The following RAB28 variants were observed in gnomAD, a reference collection of about 807,000 sequenced individuals.
RAB28 encodes RAB28, member RAS oncogene family.
In RAB28, 24 loss-of-function variants were observed where a neutral mutation model predicts 31.7. The ratio of observed to expected loss-of-function variants is 0.76; its 90% confidence interval spans 0.55 to 1.06. The LOEUF is 1.06. Among genes scored for constraint, RAB28 ranks in the 50% least tolerant of loss-of-function variants. The pLI, the probability that RAB28 is intolerant of heterozygous loss-of-function variation, is 0.00. For synonymous variants in RAB28, 100 were observed against 90.4 expected, an observed-to-expected ratio of 1.11 and a Z score of -0.60; for missense variants, 254 against 258.5, an observed-to-expected ratio of 0.98 and a Z score of 0.12.
chr4:13,378,026 G>T (rs1017441875), intron 5 of RAB28, among the ~76,000 whole-genome samples: 1 of 152,180 alleles, frequency 6.6e-6, no homozygotes. Flanking sequence ...CAGCCTATTA[G>T]ACATCTAAGA....
chr4:13,473,053 G>A (rs140890304), intron 3 of RAB28, among the ~76,000 whole-genome samples: 1 of 151,798 alleles, frequency 6.6e-6, no homozygotes, highest in Non-Finnish European at 1.5e-5. Context: ...CAAAACTCTG[G>A]GGCCTTTATA....
At chr4:13,483,892 C>T (rs1228843449) in intron 1 of RAB28, among the ~76,000 whole-genome samples, 184 bp downstream of exon 1, 1 of 152,224 alleles carries the variant, frequency 6.6e-6, no homozygotes, top group Non-Finnish European at 1.5e-5. Context: ...GGGAGCTGGA[C>T]AGCTCTCGTC....
At chr4:13,428,028 A>C (rs1430042364) in intron 4 of RAB28, among the ~76,000 whole-genome samples, 1 of 152,182 alleles carries the variant, frequency 6.6e-6, no homozygotes, top group East Asian at 1.9e-4. Flanking sequence ...TGGATTGAGC[A>C]AGCAGGGGGT....
chr4:13,376,882 C>G (rs1728944502), intron 5 of RAB28, among the ~76,000 whole-genome samples: 2 of 152,082 alleles, frequency 1.3e-5, no homozygotes, highest in Non-Finnish European at 2.9e-5. Context: ...AAAGATTTAA[C>G]ATGATGATTA....
chr4:13,460,013 G>GC (rs1715509469), intron 4 of RAB28: 1 of 704,492 alleles, frequency 1.4e-6, no homozygotes, highest in Admixed American at 2.5e-5. Context: ...AATAGACCAC[G>GC]CATCAAAACA....
chr4:13,428,372 A>C (rs1427769542), intron 4 of RAB28, among the ~76,000 whole-genome samples: 2 of 152,230 alleles, frequency 1.3e-5, no homozygotes, highest in Non-Finnish European at 2.9e-5. Context: ...AAAAGAAGAA[A>C]ATCCAGTCCT....
intron 4 of RAB28, among the ~76,000 whole-genome samples, chr4:13,382,736 T>TG (rs1729187760): frequency 7.1e-6 from 1 of 141,682 alleles, no homozygotes; most frequent in Non-Finnish European, 1.5e-5. Flanking sequence ...TCTTGCACTG[T>TG]CACCCGGGCT....
chr4:13,449,624 C>G (rs1714861940), intron 4 of RAB28, among the ~76,000 whole-genome samples: 1 of 151,940 alleles, frequency 6.6e-6, no homozygotes, highest in African/African-American at 2.4e-5. Context: ...ACTCAACATT[C>G]TTAATTAGTG....
Position 13,368,516 on chromosome 4 carries a change from G to A in RAB28, c.*42C>T. On this transcript the variant is annotated 3_prime_UTR_variant, in exon 7 of 7. Coordinates refer to ENST00000330852, the MANE Select transcript of RAB28 (RefSeq NM_001017979.3). ...TAGAAGTCCTCGGGCCCACCCAGAG[G>A]TGAAGGGCAGCCAGAACTATCAACA... is the stretch of plus-strand genomic sequence containing the variant. 6.3e-7 allele frequency: 1 copy of A among 1,583,964 alleles called. No individual in the cohort carries two copies. The highest frequency in any genetic ancestry group is 8.6e-7 in the Non-Finnish European group (1 of 1,167,350).
intron 3 of RAB28, among the ~76,000 whole-genome samples, chr4:13,472,990 A>T (rs905808021): frequency 6.6e-6 from 1 of 152,016 alleles, no homozygotes; most frequent in Non-Finnish European, 1.5e-5. Context: ...AGAACAATGT[A>T]TAAAAGATAA....
intron 4 of RAB28, among the ~76,000 whole-genome samples, chr4:13,438,184 C>T (rs10805318): frequency 0.37 from 55,722 of 151,988 alleles, 12,154 homozygotes; most frequent in East Asian, 0.57. Context: ...TGGTAAAATA[C>T]GAATCAAAAC....
chr4:13,469,243 T>G (rs777097655), intron 3 of RAB28, among the ~76,000 whole-genome samples: 9 of 152,032 alleles, frequency 5.9e-5, no homozygotes, highest in Non-Finnish European at 1.3e-4. Flanking sequence ...GATCTAATTT[T>G]CTTGGCAATC....
At chr4:13,424,280 C>T (rs1713348198) in intron 4 of RAB28, among the ~76,000 whole-genome samples, 1 of 152,132 alleles carries the variant, frequency 6.6e-6, no homozygotes, top group Non-Finnish European at 1.5e-5. Context: ...GGCCAAGTGC[C>T]ATCTGAAGGC....
intron 3 of RAB28, among the ~76,000 whole-genome samples, chr4:13,462,142 C>G (rs1715618879): frequency 6.6e-6 from 1 of 152,114 alleles, no homozygotes; most frequent in South Asian, 2.1e-4. Flanking sequence ...AAGTATAGAA[C>G]ACAGTAGTCA....
intron 2 of RAB28, among the ~76,000 whole-genome samples, 176 bp from the exon 3 acceptor site, chr4:13,474,582 T>C (rs1175579214): frequency 6.6e-6 from 1 of 151,570 alleles, no homozygotes; most frequent in Non-Finnish European, 1.5e-5. Flanking sequence ...CAAAAGAAAT[T>C]ATAGTGGGGA....
At chr4:13,371,830 T>A in intron 6 of RAB28, 1 of 1,547,602 alleles carries the variant, frequency 6.5e-7, no homozygotes, top group Non-Finnish European at 8.7e-7. Flanking sequence ...ACTCGATTAT[T>A]CTCTATTAGT....
intron 4 of RAB28, among the ~76,000 whole-genome samples, chr4:13,400,676 A>ATT (rs1711697098): frequency 6.6e-6 from 1 of 152,194 alleles, no homozygotes; most frequent in African/African-American, 2.4e-5. Context: ...TTCATCATTA[A>ATT]GTATGACATT....
intron 5 of RAB28, 77 bp downstream of exon 5, chr4:13,381,414 A>G: frequency 1.9e-6 from 2 of 1,027,286 alleles, no homozygotes; most frequent in Non-Finnish European, 2.9e-6. Flanking sequence ...CAAAAGTTAA[A>G]TAGTGGAAGT....
chr4:13,432,847 G>A (rs940754414), intron 4 of RAB28, among the ~76,000 whole-genome samples: 22 of 151,928 alleles, frequency 1.4e-4, no homozygotes, highest in African/African-American at 5.3e-4. Flanking sequence ...AGACACTTTA[G>A]AGCAATTACA....
Sources: gnomAD v4.1 joint callset for allele counts (sites outside exome capture counted in the v4.1 genomes callset) on GRCh38, gnomAD v4.1.1 for gene constraint, MANE v1.5 for transcripts, NCBI Gene and HGNC (gene_info 2026-07-23, HGNC 2026-07-21) for gene names.